The following CDH22 variants were observed in gnomAD, a reference collection of about 807,000 sequenced individuals.
CDH22 encodes cadherin-22.
Under a neutral mutation model 58.4 loss-of-function variants are expected in CDH22, and 30 were observed. The ratio of observed to expected loss-of-function variants is 0.51; its 90% CI spans 0.38 to 0.70. CDH22 has a LOEUF of 0.70. CDH22 is among the 30% of genes least tolerant of loss of function. The pLI is 0.00. For synonymous variants in CDH22, 513 were observed against 558.2 expected (o/e 0.92, Z 1.14); for missense variants, 1,014 against 1,233.9 (o/e 0.82, Z 2.67).
chr20:46,297,407 A>G (rs974879354), intron 1 of CDH22, among the ~76,000 whole-genome samples: 13 of 149,386 alleles, frequency 8.7e-5, no homozygotes, highest in African/African-American at 3.2e-4. Flanking sequence ...GGGCTCAGGG[A>G]TGGGATGGGT....
intron 10 of CDH22, among the ~76,000 whole-genome samples, chr20:46,184,210 T>C (rs2085809131): frequency 6.6e-6 from 1 of 152,074 alleles, no homozygotes; most frequent in Non-Finnish European, 1.5e-5. Flanking sequence ...GCAATTCTCC[T>C]GCCTCAGCCT....
chr20:46,258,474 C>T (rs1305297402), intron 1 of CDH22, among the ~76,000 whole-genome samples: 1 of 152,206 alleles, frequency 6.6e-6, no homozygotes. Flanking sequence ...CGGCCAGACT[C>T]ATCCCCATGT....
At chr20:46,229,504 G>T (rs79748406) in intron 3 of CDH22, among the ~76,000 whole-genome samples, 26 of 152,130 alleles carry the variant, frequency 1.7e-4, no homozygotes, top group Admixed American at 6.5e-4. Context: ...CTTATTAGAA[G>T]TTTGACCTTG....
chr20:46,305,701 G>A (rs2145789682), intron 1 of CDH22, among the ~76,000 whole-genome samples: 1 of 152,378 alleles, frequency 6.6e-6, no homozygotes, highest in East Asian at 1.9e-4. Context: ...AAGGGGAGGG[G>A]GAAGAACAGA....
In CDH22 at chr20:46,193,402, C is replaced by A. The variant is rs567932430; in HGVS notation, c.1423+6021G>T. ...GAGCTCCCAACCACCTGCCCTGGTC[C>A]TGCCCTGGACCCTCCAGCCCAAAGC... On this transcript the variant is annotated intron_variant, in intron 8 of 11. Coordinates refer to ENST00000537909, the MANE Select transcript of CDH22 (RefSeq NM_021248.3). Among the ~76,000 whole-genome samples the A allele has an allele frequency of 1.4e-4, 22 of 152,276 alleles. No individual in the cohort carries two copies. The Middle Eastern group carries it at 0.01, about 71-fold the overall frequency.
At chr20:46,225,335 A>G (rs914635859) in intron 4 of CDH22, among the ~76,000 whole-genome samples, 13 of 152,166 alleles carry the variant, frequency 8.5e-5, no homozygotes, top group African/African-American at 3.1e-4. Flanking sequence ...TCGGCAGGGG[A>G]CTGGTGAAAT....
chr20:46,246,299 T>C lies in CDH22; in HGVS notation c.255+4741A>G, dbSNP rs143139519. Among the ~76,000 whole-genome samples the C allele has an allele frequency of 3.3e-4, 50 of 152,316 alleles. No homozygotes were observed. In the East Asian group the frequency reaches 9.4e-3, roughly 29 times the overall value. On this transcript the variant is annotated intron_variant, in intron 2 of 11. Transcript: ENST00000537909. Reference sequence around the variant, plus strand: ...TACTCGTAAACCAGGAGTTCATCAATTTTCTTTAAATATTAGCAACTTAAT... The same window carrying C: ...TACTCGTAAACCAGGAGTTCATCAACTTTCTTTAAATATTAGCAACTTAAT...
intron 3 of CDH22, 52 bp from the exon 4 acceptor site, chr20:46,227,679 G>A (rs749850211): frequency 2.5e-5 from 39 of 1,561,728 alleles, no homozygotes; most frequent in Middle Eastern, 1.7e-4. Context: ...TGCGGAGCTC[G>A]TTCCCCCACT....
At chr20:46,225,930 C>T (rs1388949379) in intron 4 of CDH22, among the ~76,000 whole-genome samples, 1 of 152,084 alleles carries the variant, frequency 6.6e-6, no homozygotes, top group Non-Finnish European at 1.5e-5. Flanking sequence ...AATCCTCTCC[C>T]TTCTCCCCCA....
intron 7 of CDH22, among the ~76,000 whole-genome samples, chr20:46,203,147 G>T (rs1283294517): frequency 6.6e-6 from 1 of 152,198 alleles, no homozygotes; most frequent in African/African-American, 2.4e-5. Context: ...ATAGGGCGGG[G>T]GCAGCGGGGA....
In CDH22 at chr20:46,216,927, T is replaced by C. The variant is rs1485369786; in HGVS notation, c.737A>G (p.Gln246Arg). ...ESQERYEVVI[Q>R]ATDMAGQLGG... ...CAGCTGACCCGCCATGTCTGTGGCC[T>C]GGATCACCACCTCGTAGCGCTCCTG... The change falls in exon 5 of 12, where the codon CAG (glutamine) becomes CGG (arginine). Residue 246 changes from glutamine to arginine, a missense_variant. Gln to Arg is a conservative substitution (Grantham distance 43). Transcript: ENST00000537909. The surrounding 1 kb of genome is among the most constrained non-coding windows in gnomAD (Gnocchi z 5.3). 6.2e-7 allele frequency: 1 copy of C among 1,610,580 alleles called. No homozygotes were observed. Among genetic ancestry groups the C allele is most frequent in the East Asian group, 2.2e-5 (1 of 44,760 alleles).
rs570598559 is a variant in CDH22, at chr20:46,289,500, G to A, written c.-400+18755C>T. ...TCAGTGGATATTTCTTGAATGACTCGCATAGTTTTTATCTATCTGTCTTCC... is the reference window on the plus strand; with the variant it reads ...TCAGTGGATATTTCTTGAATGACTCACATAGTTTTTATCTATCTGTCTTCC... On this transcript the variant is annotated intron_variant, in intron 1 of 11. Transcript: ENST00000537909. 1.2e-3 allele frequency among the ~76,000 whole-genome samples: 178 copies of A among 152,210 alleles called. 1 individual carries two copies. Among genetic ancestry groups the A allele is most frequent in the Non-Finnish European group, 1.6e-3 (108 of 68,002 alleles).
intron 4 of CDH22, 53 bp downstream of exon 4, chr20:46,227,455 C>A: frequency 7.6e-7 from 1 of 1,316,370 alleles, no homozygotes; most frequent in Non-Finnish European, 1.1e-6. Context: ...TCGTCCCGCC[C>A]CGCCCCTGGC....
intron 6 of CDH22, among the ~76,000 whole-genome samples, chr20:46,212,277 C>G (rs1490850124): frequency 6.9e-6 from 1 of 145,614 alleles, no homozygotes; most frequent in Non-Finnish European, 1.5e-5. Flanking sequence ...TGGAGATATA[C>G]AAACAAAGGC....
At chr20:46,182,128 T>C (rs2145649398) in intron 10 of CDH22, among the ~76,000 whole-genome samples, 1 of 152,262 alleles carries the variant, frequency 6.6e-6, no homozygotes, top group Non-Finnish European at 1.5e-5. Flanking sequence ...AGAATTTGGA[T>C]AATTTTCTTA....
intron 4 of CDH22, among the ~76,000 whole-genome samples, chr20:46,227,209 C>A (rs2086181483): frequency 6.6e-6 from 1 of 152,206 alleles, no homozygotes; most frequent in Non-Finnish European, 1.5e-5. Context: ...TAGTTCGGAC[C>A]TTTAAGGTCC....
intron 1 of CDH22, among the ~76,000 whole-genome samples, chr20:46,294,908 G>T (rs185929652): frequency 8.5e-4 from 130 of 152,314 alleles, no homozygotes; most frequent in African/African-American, 3.1e-3. Context: ...CCTGGCACCC[G>T]GCAGACAGTA....
chr20:46,278,001 G>C (rs2086528954), intron 1 of CDH22, among the ~76,000 whole-genome samples: 2 of 129,928 alleles, frequency 1.5e-5, no homozygotes, highest in Admixed American at 7.5e-5. Flanking sequence ...CAGAAGGTAG[G>C]GGGCAGGAGG....
chr20:46,213,696 T>C lies in CDH22; in HGVS notation c.839-508A>G, dbSNP rs191510284. 1.2e-3 allele frequency among the ~76,000 whole-genome samples: 177 copies of C among 152,292 alleles called. 1 individual carries two copies. Among genetic ancestry groups the C allele is most frequent in the Non-Finnish European group, 4.7e-4 (32 of 68,016 alleles). On this transcript the variant is annotated intron_variant, in intron 5 of 11. Coordinates refer to ENST00000537909, the MANE Select transcript of CDH22 (RefSeq NM_021248.3). ...GCTACTCAAGAAATAGAATAAATTG[T>C]GTTAAAATGGTGGGGCTTCATAGTG...
Sources: gnomAD v4.1 joint callset for allele counts (sites outside exome capture counted in the v4.1 genomes callset) on GRCh38, gnomAD v4.1.1 for gene constraint, Gnocchi (gnomAD v3.1) non-coding constraint, MANE v1.5 for transcripts, NCBI Gene and HGNC (gene_info 2026-07-23, HGNC 2026-07-21) for gene names.